MMP15: variants seen among roughly 807,000 people sequenced by gnomAD.
The protein encoded by MMP15 is matrix metalloproteinase-15.
A neutral mutation model predicts 65.0 loss-of-function variants in MMP15; 36 were observed. The observed-to-expected ratio is 0.55, with a 90% CI of 0.42 to 0.73. MMP15 has a LOEUF of 0.73. Ranked by LOEUF, MMP15 falls within the 30% of genes least tolerant of loss-of-function variation. The pLI, the probability that MMP15 is intolerant of heterozygous loss-of-function variation, is 0.00. For synonymous variants in MMP15, 428 were observed against 410.2 expected (o/e 1.04, Z -0.52); for missense variants, 870 against 987.8 (o/e 0.88, Z 1.60).
intron 3 of MMP15, among the ~76,000 whole-genome samples, chr16:58,039,389 G>A (rs1195710014): frequency 4.6e-5 from 7 of 152,348 alleles, no homozygotes; most frequent in South Asian, 2.1e-4. Context: ...CCGAGATTGC[G>A]CCACTGCGCT....
In MMP15 at chr16:58,037,634, A is replaced by G; in HGVS notation, c.311+14A>G. The G allele has an allele frequency of 6.2e-7, 1 of 1,613,552 alleles. No homozygotes were observed. Among genetic ancestry groups the G allele is most frequent in the South Asian group, 1.1e-5 (1 of 91,064 alleles). Reference sequence around the variant, plus strand: ...AGAGACCAAGGAGTGAGTTCCCCCCACCATCCACACCCCACAGGCACCTGC... The same window carrying G: ...AGAGACCAAGGAGTGAGTTCCCCCCGCCATCCACACCCCACAGGCACCTGC... On this transcript the variant is annotated intron_variant, in intron 2 of 9. Transcript: ENST00000219271.
At chr16:58,041,259 G>A (rs973091096) in intron 5 of MMP15, among the ~76,000 whole-genome samples, 6 of 152,134 alleles carry the variant, frequency 3.9e-5, no homozygotes, top group African/African-American at 7.2e-5. Context: ...GGCACTTGAC[G>A]GGCACCCCTT....
At chr16:58,031,881 T>C (rs1480708423) in intron 1 of MMP15, among the ~76,000 whole-genome samples, 1 of 143,022 alleles carries the variant, frequency 7.0e-6, no homozygotes, top group Non-Finnish European at 1.5e-5. Flanking sequence ...TTTTTTTTTT[T>C]TTTGAGACAG....
chr16:58,033,865 T>C (rs1350210145), intron 1 of MMP15, among the ~76,000 whole-genome samples: 1 of 152,224 alleles, frequency 6.6e-6, no homozygotes. Flanking sequence ...ATCATGCCAC[T>C]GCACTCCATC....
intron 4 of MMP15, 30 bp from the exon 5 acceptor site, chr16:58,040,507 A>T: frequency 6.2e-7 from 1 of 1,605,740 alleles, no homozygotes; most frequent in Non-Finnish European, 8.5e-7. Context: ...GCCACAGCTG[A>T]CTGTGCTGCC....
chr16:58,030,388 A>T (rs1266479124), intron 1 of MMP15, among the ~76,000 whole-genome samples: 1 of 152,098 alleles, frequency 6.6e-6, no homozygotes, highest in African/African-American at 2.4e-5. Flanking sequence ...GATTCCTGAG[A>T]CCAGAGGCCA....
At position 58,029,874 on chromosome 16, in the gene MMP15, A is replaced by G. The variant is rs41388744; in HGVS notation, c.162+3362A>G. ...CCACTGCTATCTCTTATGCCCATTC[A>G]GGATGGCTACACTGCAGGCGTGGAA... is the stretch of plus-strand genomic sequence containing the variant. On this transcript the variant is annotated intron_variant, in intron 1 of 9. Transcript: ENST00000219271. Among the ~76,000 whole-genome samples, 977 of 152,214 alleles carry G rather than the reference A, an allele frequency of 6.4e-3. 12 individuals are homozygous for G. The highest frequency in any genetic ancestry group is 0.022 in the African/African-American group (920 of 41,538).
At chr16:58,034,994 C>T (rs1260773807) in intron 1 of MMP15, among the ~76,000 whole-genome samples, 2 of 151,822 alleles carry the variant, frequency 1.3e-5, no homozygotes, top group Non-Finnish European at 1.5e-5. Context: ...CCCATGATTG[C>T]GCTCCCAGAG....
intron 3 of MMP15, 84 bp downstream of exon 3, chr16:58,038,478 C>A: frequency 6.4e-7 from 1 of 1,569,216 alleles, no homozygotes; most frequent in South Asian, 1.1e-5. Flanking sequence ...CACCTCGGCG[C>A]CCAGCCTTAA....
At chr16:58,038,476 C>A in intron 3 of MMP15, 82 bp downstream of exon 3, 2 of 1,571,572 alleles carry the variant, frequency 1.3e-6, no homozygotes, top group Non-Finnish European at 1.7e-6. Flanking sequence ...CCCACCTCGG[C>A]GCCCAGCCTT....
At chr16:58,036,152 C>T (rs554939018) in intron 1 of MMP15, among the ~76,000 whole-genome samples, 3 of 152,204 alleles carry the variant, frequency 2.0e-5, no homozygotes, top group Non-Finnish European at 4.4e-5. Flanking sequence ...CTGGAGACCC[C>T]CAGAGACCCA....
At chr16:58,042,856 C>T (rs1052636861) in intron 7 of MMP15, among the ~76,000 whole-genome samples, 1 of 152,204 alleles carries the variant, frequency 6.6e-6, no homozygotes, top group Non-Finnish European at 1.5e-5. Flanking sequence ...CTGGGCCACA[C>T]ACTGTGAGGG....
At position 58,026,392 on chromosome 16, in the gene MMP15, G is replaced by C; in HGVS notation, c.42G>C (p.Thr14=). The change falls in exon 1 of 10, where the codon ACG becomes ACC. Residue 14 remains threonine (T), a synonymous_variant. Coordinates refer to ENST00000219271, the MANE Select transcript of MMP15 (RefSeq NM_002428.4). ...GCGCGCCCGGACGGCCGGGCTGGAC[G>C]GGCAGCCTCCTCGGCGACCGGGAGG... ...DPSAPGRPGW[T]GSLLGDREEA... 7.1e-7 allele frequency: 1 copy of C among 1,406,800 alleles called. No individual in the cohort carries two copies. The highest frequency in any genetic ancestry group is 9.2e-7 in the Non-Finnish European group (1 of 1,087,392). 87.1% of individuals were successfully genotyped at this position (1,406,800 alleles called of 1,614,324 possible).
At position 58,046,600 on chromosome 16, in the gene MMP15, A is replaced by G. The variant is rs1959571840; in HGVS notation, c.*1154A>G. 1 of 152,696 alleles carries G rather than the reference A, an allele frequency of 6.5e-6. No homozygotes were observed. 9.5% of individuals were successfully genotyped at this position (152,696 alleles called of 1,614,324 possible). On this transcript the variant is annotated 3_prime_UTR_variant, in exon 10 of 10. Transcript: ENST00000219271. ...ATGCCTCCTTCCTCTTTTCCTTCCCAAAGCAAGCAAGAGGCCGTGGCTGCT... is the reference window on the plus strand; with the variant it reads ...ATGCCTCCTTCCTCTTTTCCTTCCCGAAGCAAGCAAGAGGCCGTGGCTGCT...
At position 58,039,093 on chromosome 16, in the gene MMP15, C is replaced by T. The variant is rs41459744; in HGVS notation, c.440+699C>T. ...ACTTCCTCTAATCCTCACTGGAACC[C>T]TGTGAAGAAAGTACCACACACACAC... On this transcript the variant is annotated intron_variant, in intron 3 of 9. Coordinates refer to ENST00000219271, the MANE Select transcript of MMP15 (RefSeq NM_002428.4). Among the ~76,000 whole-genome samples, 758 of 152,308 alleles carry T rather than the reference C, an allele frequency of 5.0e-3. 6 individuals carry two copies. Among genetic ancestry groups the T allele is most frequent in the African/African-American group, 0.017 (721 of 41,566 alleles).
Position 58,041,731 on chromosome 16 carries a change from G to A in MMP15, c.1025G>A (p.Gly342Glu). The change falls in exon 6 of 10, where the codon GGG becomes GAG. Residue 342 changes from glycine to glutamate, a missense_variant. Physicochemically the swap from Gly to Glu is moderately conservative, Grantham distance 98. Transcript: ENST00000219271. ...CCTCCCCAGCCACCACCCCCAGGTG[G>A]GAAGCCAGAGCGGCCCCCAAAGCCG... ...PRPPQPPPPG[G>E]KPERPPKPGP... The A allele has an allele frequency of 6.3e-7, 1 of 1,593,208 alleles. No homozygotes were observed. Among genetic ancestry groups the A allele is most frequent in the Non-Finnish European group, 8.5e-7 (1 of 1,169,712 alleles).
At chr16:58,026,600 G>A in intron 1 of MMP15, 88 bp downstream of exon 1, 1 of 1,252,886 alleles carries the variant, frequency 8.0e-7, no homozygotes, top group Non-Finnish European at 1.0e-6. Flanking sequence ...GGAGGTGGAG[G>A]GAGCGGAGAC....
chr16:58,042,442 A>G (rs1597066772), intron 7 of MMP15, 73 bp downstream of exon 7: 1 of 1,572,002 alleles, frequency 6.4e-7, no homozygotes, highest in East Asian at 2.3e-5. Context: ...ATCTGAGAGA[A>G]GAGGAGGTGA....
rs568124584 is a variant in MMP15 at position 58,041,765 on chromosome 16, A to G, written c.1059A>G (p.Pro353=). ...AGCGGCCCCCAAAGCCGGGCCCCCCAGTCCAGCCCCGAGCCACAGAGCGGC... is the reference window on the plus strand; with the variant it reads ...AGCGGCCCCCAAAGCCGGGCCCCCCGGTCCAGCCCCGAGCCACAGAGCGGC... The part of the protein sequence containing the change: ...KPERPPKPGP[P]VQPRATERPD... The change falls in exon 6 of 10, where the codon CCA becomes CCG. Residue 353 remains proline, a synonymous_variant. Transcript: ENST00000219271. 1 of 1,606,880 alleles carries G rather than the reference A, an allele frequency of 6.2e-7. No individual in the cohort carries two copies. Among genetic ancestry groups the G allele is most frequent in the South Asian group, 1.1e-5 (1 of 89,904 alleles).
Sources: allele counts gnomAD v4.1 joint callset (sites outside exome capture counted in the v4.1 genomes callset), GRCh38; gene constraint gnomAD v4.1.1; transcripts MANE v1.5; gene names NCBI Gene and HGNC (gene_info 2026-07-23, HGNC 2026-07-21).